The following PCLO variants were observed in gnomAD, a reference collection of about 807,000 sequenced individuals.
PCLO encodes piccolo presynaptic cytomatrix protein, also known as protein piccolo.
In PCLO, 82 loss-of-function variants were observed where a neutral mutation model predicts 427.5. The observed-to-expected ratio is 0.19, with a 90% CI of 0.16 to 0.23. The LOEUF (loss-of-function observed/expected upper bound fraction) is 0.23. PCLO is among the 10% of genes least tolerant of loss of function. The pLI, the probability that PCLO is intolerant of heterozygous loss-of-function variation, is 1.00. For synonymous variants in PCLO, 2,357 were observed against 2,155.4 expected, an observed-to-expected ratio of 1.09 and a Z score of -2.59; for missense variants, 6,239 against 6,115.9, an observed-to-expected ratio of 1.02 and a Z score of -0.67.
intron 6 of PCLO, among the ~76,000 whole-genome samples, chr7:82,923,516 AGGGC>A (rs1794644880): frequency 1.3e-5 from 2 of 152,122 alleles, no homozygotes; most frequent in Non-Finnish European, 2.9e-5. Flanking sequence ...GTGAAATCCC[AGGGC>A]AAACCTTCAA....
At chr7:82,881,715 G>A (rs919991880) in intron 9 of PCLO, among the ~76,000 whole-genome samples, 3 of 152,086 alleles carry the variant, frequency 2.0e-5, no homozygotes, top group Non-Finnish European at 2.9e-5. Flanking sequence ...TGTGATCATA[G>A]CTCACTGCAG....
intron 18 of PCLO, 142 bp from the exon 19 acceptor site, chr7:82,824,558 T>G (rs1791886768): frequency 2.0e-6 from 1 of 488,088 alleles, no homozygotes. Context: ...TCTTTCTTCC[T>G]CAGTTTTCTT....
intron 3 of PCLO, among the ~76,000 whole-genome samples, chr7:83,102,839 G>A (rs544511464): frequency 1.3e-5 from 2 of 151,742 alleles, no homozygotes; most frequent in East Asian, 1.9e-4. Flanking sequence ...TAATTATTCA[G>A]AATGAATAAT....
intron 9 of PCLO, among the ~76,000 whole-genome samples, chr7:82,896,634 T>C (rs191165010): frequency 1.3e-5 from 2 of 151,738 alleles, no homozygotes; most frequent in African/African-American, 4.8e-5. Flanking sequence ...TAGATATTTA[T>C]GATATGTAAG....
At chr7:82,941,049 A>G (rs547856772) in intron 6 of PCLO, among the ~76,000 whole-genome samples, 1 of 150,884 alleles carries the variant, frequency 6.6e-6, no homozygotes, top group East Asian at 2.0e-4. Flanking sequence ...GGTTTGAGCC[A>G]CCGTGCCCGA....
At chr7:82,938,324 T>C (rs1367236478) in intron 6 of PCLO, among the ~76,000 whole-genome samples, 1 of 152,020 alleles carries the variant, frequency 6.6e-6, no homozygotes, top group Non-Finnish European at 1.5e-5. Context: ...TCCATGTTTG[T>C]TAGAAAGGCA....
chr7:82,769,797 C>A (rs1394690670), intron 22 of PCLO, among the ~76,000 whole-genome samples: 2 of 152,090 alleles, frequency 1.3e-5, no homozygotes, highest in Non-Finnish European at 2.9e-5. Flanking sequence ...GAATTGGTGT[C>A]TGATAAGATG....
intron 4 of PCLO, among the ~76,000 whole-genome samples, chr7:82,963,764 G>A (rs1461793478): frequency 2.0e-5 from 3 of 151,848 alleles, no homozygotes; most frequent in South Asian, 2.1e-4. Context: ...TAATAACAAT[G>A]GTAATTTTAG....
At position 82,826,669 on chromosome 7, in the gene PCLO, T is replaced by C; in HGVS notation, c.14344-9A>G. 6.5e-7 allele frequency: 1 copy of C among 1,539,772 alleles called. No individual in the cohort carries two copies. Among genetic ancestry groups the C allele is most frequent in the Non-Finnish European group, 8.9e-7 (1 of 1,124,050 alleles). On this transcript the variant is annotated splice_polypyrimidine_tract_variant and intron_variant, in intron 17 of 24. Coordinates refer to ENST00000333891, the MANE Select transcript of PCLO (RefSeq NM_033026.6). ...AGTGTTTTCTTCTTGAGCTATATAG[T>C]TCAAATAGAAATCTAATTAAACCTA... is the stretch of plus-strand genomic sequence containing the variant.
At chr7:83,148,197 G>C (rs147748637) in intron 2 of PCLO, among the ~76,000 whole-genome samples, 1 of 152,022 alleles carries the variant, frequency 6.6e-6, no homozygotes, top group East Asian at 1.9e-4. Context: ...GACTACAGCC[G>C]ATTAGAATTT....
intron 4 of PCLO, among the ~76,000 whole-genome samples, chr7:82,963,382 G>T (rs1795695497): frequency 6.6e-6 from 1 of 151,730 alleles, no homozygotes. Flanking sequence ...ACAAATGATT[G>T]GTATTAAGGA....
At chr7:82,767,856 G>GA (rs1790563686) in intron 22 of PCLO, among the ~76,000 whole-genome samples, 1 of 151,716 alleles carries the variant, frequency 6.6e-6, no homozygotes, top group Non-Finnish European at 1.5e-5. Flanking sequence ...GGATTCAGGA[G>GA]AAAAAGAAAT....
Position 82,915,561 on chromosome 7 carries a change from A to G in PCLO, c.12425T>C (p.Leu4142Pro), listed in dbSNP as rs1353727353. The G allele has an allele frequency of 6.2e-7, 1 of 1,613,708 alleles. No individual in the cohort carries two copies. ...FRRGTESLDH[L>P]AGLSHYYHAD... is the part of the protein sequence containing the mutation. ...ATGGTAATAATGAGAAAGACCAGCA[A>G]GGTGATCTAAGCTCTCTGTCCCTCT... is the stretch of plus-strand genomic sequence containing the variant. The change falls in exon 7 of 25, where the codon CTT (leucine) becomes CCT (proline). Residue 4142 changes from leucine (L) to proline (P), a missense_variant. Physicochemically the swap from Leu to Pro is moderately conservative, Grantham distance 98. Transcript: ENST00000333891.
chr7:83,019,708 T>A (rs1788295179), intron 3 of PCLO, among the ~76,000 whole-genome samples: 1 of 152,094 alleles, frequency 6.6e-6, no homozygotes, highest in Admixed American at 6.6e-5. Flanking sequence ...TTTCTATGCA[T>A]GAAGCACAAG....
At chr7:83,152,106 A>C (rs969329848) in intron 2 of PCLO, among the ~76,000 whole-genome samples, 1 of 152,012 alleles carries the variant, frequency 6.6e-6, no homozygotes, top group East Asian at 1.9e-4. Flanking sequence ...CTGGGACTAC[A>C]AGCGCCCGCC....
At chr7:82,934,129 T>C (rs528651414) in intron 6 of PCLO, among the ~76,000 whole-genome samples, 63 of 151,940 alleles carry the variant, frequency 4.1e-4, no homozygotes, top group Non-Finnish European at 8.1e-4. Flanking sequence ...TGGGCAAAAT[T>C]ATTTAGAATG....
intron 3 of PCLO, among the ~76,000 whole-genome samples, chr7:83,063,751 A>ATC (rs1171189297): frequency 4.6e-5 from 7 of 152,080 alleles, no homozygotes; most frequent in African/African-American, 1.4e-4. Flanking sequence ...GGCATTTGAA[A>ATC]TGCCACCATT....
intron 10 of PCLO, among the ~76,000 whole-genome samples, chr7:82,877,538 A>G (rs1793402435): frequency 1.3e-5 from 2 of 152,170 alleles, no homozygotes; most frequent in African/African-American, 4.8e-5. Flanking sequence ...GAAAACGCAT[A>G]TACGCCAAGT....
intron 20 of PCLO, among the ~76,000 whole-genome samples, chr7:82,817,219 TTTTTA>T (rs1393249958): frequency 1.1e-4 from 16 of 152,196 alleles, no homozygotes; most frequent in African/African-American, 3.6e-4. Context: ...TTGAATTTTC[TTTTTA>T]TTTTAAACTG....
Sources: gnomAD v4.1 joint callset for allele counts (sites outside exome capture counted in the v4.1 genomes callset) on GRCh38, gnomAD v4.1.1 for gene constraint, MANE v1.5 for transcripts, NCBI Gene and HGNC (gene_info 2026-07-23, HGNC 2026-07-21) for gene names.